The following HECTD4 variants were observed in gnomAD, a reference collection of about 807,000 sequenced individuals.
HECTD4 encodes HECT domain E3 ubiquitin protein ligase 4.
HECTD4 carries 114 observed loss-of-function variants against 471.5 expected under a neutral mutation model. The ratio of observed to expected loss-of-function variants is 0.24; its 90% CI spans 0.21 to 0.28. The LOEUF is 0.28. Ranked by LOEUF, HECTD4 falls within the 10% of genes least tolerant of loss-of-function variation. The pLI is 1.00. For synonymous variants in HECTD4, 2,012 were observed against 2,256.0 expected (o/e 0.89, Z 3.07); for missense variants, 3,866 against 5,651.5 (o/e 0.68, Z 10.13).
Position 112,254,097 on chromosome 12 carries a change from C to T in HECTD4, c.3393G>A (p.Leu1131=), listed in dbSNP as rs776491419. The change falls in exon 22 of 76, where the codon CTG becomes CTA. Residue 1131 remains leucine (L), a synonymous_variant. Transcript: ENST00000682272. ...CTAAGACACTACGGCTGCCATATCC[C>T]AGTGTGTTGCCTCCATATTCAGCAA... ...RKVAEYGGNT[L]GYGSRSVLGT... is the part of the protein sequence containing the mutation. The T allele has an allele frequency of 5.0e-6, 8 of 1,613,994 alleles. No homozygotes were observed. Among genetic ancestry groups the T allele is most frequent in the African/African-American group, 2.7e-5 (2 of 75,046 alleles).
At chr12:112,248,021 T>G (rs1435930525) in intron 27 of HECTD4, 46 bp downstream of exon 27, 5 of 1,341,576 alleles carry the variant, frequency 3.7e-6, no homozygotes, top group Non-Finnish European at 5.2e-6. Flanking sequence ...ATACCTTTGC[T>G]CTCTAAATGG....
chr12:112,182,943 G>A, intron 62 of HECTD4, 116 bp downstream of exon 62: 1 of 719,000 alleles, frequency 1.4e-6, no homozygotes, highest in South Asian at 1.8e-5. Flanking sequence ...TTTAATGCAA[G>A]ATGTTAAAAA....
Position 112,164,386 on chromosome 12 carries a change from C to T in HECTD4, c.12535-111G>A, listed in dbSNP as rs912552475. 6.2e-5 allele frequency: 70 copies of T among 1,123,798 alleles called. 1 individual carries two copies. The highest frequency in any genetic ancestry group is 9.3e-5 in the African/African-American group (6 of 64,582). The allele number at this position is 1,123,798 out of a possible 1,614,324, so 69.6% of individuals were successfully genotyped here. On this transcript the variant is annotated intron_variant, in intron 72 of 75. Transcript: ENST00000682272. Reference sequence around the variant, plus strand: ...GCAGCTGGTGGGGTCTACCCTCGGCCGTGTAGATGAGCATGTGACACAGCT... The same window carrying T: ...GCAGCTGGTGGGGTCTACCCTCGGCTGTGTAGATGAGCATGTGACACAGCT...
intron 1 of HECTD4, among the ~76,000 whole-genome samples, chr12:112,331,172 G>A (rs2035839471): frequency 6.6e-6 from 1 of 152,144 alleles, no homozygotes; most frequent in Admixed American, 6.6e-5. Context: ...CCGGATTCAA[G>A]TGATTCTCAT....
intron 7 of HECTD4, among the ~76,000 whole-genome samples, chr12:112,292,391 C>T (rs759570108): frequency 1.8e-4 from 27 of 152,314 alleles, no homozygotes; most frequent in Middle Eastern, 3.4e-3. Flanking sequence ...CAAACACACA[C>T]TAAATCATTT....
At chr12:112,308,460 A>AC (rs1252807069) in intron 6 of HECTD4, among the ~76,000 whole-genome samples, 1 of 149,582 alleles carries the variant, frequency 6.7e-6, no homozygotes, top group Non-Finnish European at 1.5e-5. Context: ...AAACAAAACA[A>AC]AAAAAAAAAA....
intron 66 of HECTD4, among the ~76,000 whole-genome samples, chr12:112,174,935 G>A (rs749988748): frequency 1.5e-4 from 23 of 152,164 alleles, no homozygotes; most frequent in South Asian, 4.1e-4. Flanking sequence ...GCACACGTGC[G>A]TGAGCCAGAG....
rs7302297 is a variant in HECTD4, at chr12:112,295,808, A to T, written c.1335+10256T>A. 6.3e-3 allele frequency among the ~76,000 whole-genome samples: 891 copies of T among 140,582 alleles called. 14 individuals carry two copies. Among genetic ancestry groups the T allele is most frequent in the South Asian group, 0.026 (118 of 4,556 alleles). The allele number at this position is 140,582 out of a possible 152,430, so 92.2% of individuals were successfully genotyped here. On this transcript the variant is annotated intron_variant, in intron 7 of 75. Transcript: ENST00000682272. Reference sequence around the variant, plus strand: ...GGACATGCACCATTAAATTAAAAAAAAAATATATATATATATACACACACA... The same window carrying T: ...GGACATGCACCATTAAATTAAAAAATAAATATATATATATATACACACACA...
intron 1 of HECTD4, among the ~76,000 whole-genome samples, chr12:112,341,643 C>T (rs2036056549): frequency 6.6e-6 from 1 of 152,152 alleles, no homozygotes; most frequent in Non-Finnish European, 1.5e-5. Context: ...AATTCAAATC[C>T]ATCTGTCTCC....
intron 1 of HECTD4, among the ~76,000 whole-genome samples, chr12:112,372,751 T>G (rs563283040): frequency 6.6e-6 from 1 of 151,888 alleles, no homozygotes; most frequent in East Asian, 1.9e-4. Context: ...ATTATTATTA[T>G]TGTTATTTTT....
Position 112,213,408 on chromosome 12 carries a change from C to T in HECTD4, c.7466-758G>A, listed in dbSNP as rs751340495. ...TGGCCTAAAAATATATAATTTAGGC[C>T]GGGCACAGTGGCTCAAGCCTGTAAT... On this transcript the variant is annotated intron_variant, in intron 48 of 75. Transcript: ENST00000682272. The surrounding 1 kb of genome is among the most constrained non-coding windows in gnomAD (Gnocchi z 4.0). Among the ~76,000 whole-genome samples, 3 of 151,836 alleles carry T rather than the reference C, an allele frequency of 2.0e-5. No individual in the cohort carries two copies. The highest frequency in any genetic ancestry group is 2.9e-5 in the Non-Finnish European group (2 of 67,982).
At chr12:112,258,891 C>T in intron 19 of HECTD4, 1 of 575,516 alleles carries the variant, frequency 1.7e-6, no homozygotes. Context: ...CAGCCATGAA[C>T]ACTTGCTAAA....
Position 112,319,549 on chromosome 12 carries a change from A to G in HECTD4, c.371T>C (p.Leu124Ser). 6.9e-7 allele frequency: 1 copy of G among 1,441,574 alleles called. No individual in the cohort carries two copies. Among genetic ancestry groups the G allele is most frequent in the South Asian group, 1.5e-5 (1 of 67,810 alleles). 89.3% of individuals were successfully genotyped at this position (1,441,574 alleles called of 1,614,324 possible). Residue 124 changes from leucine to serine, a missense_variant, in exon 2 of 76, where the codon TTG becomes TCG. Leu to Ser is a moderately radical substitution (Grantham distance 145). Around this residue, in one of 16 missense-constraint regions of HECTD4, gnomAD observed 440 missense variants for 636.0 expected, o/e 0.69. Transcript: ENST00000682272. This position sits in a 1 kb window ranked among gnomAD's most constrained non-coding sequence, Gnocchi z 5.3. ...ERESSGDEET[L>S]ALLKRQGLLQ... ...CAAGCCCTGGCGTTTGAGCAGGGCC[A>G]AAGTTTCCTCATCACCTGAACTTTC...
intron 1 of HECTD4, among the ~76,000 whole-genome samples, chr12:112,371,338 G>A (rs1420336672): frequency 2.6e-5 from 4 of 152,138 alleles, no homozygotes; most frequent in Admixed American, 6.6e-5. Context: ...CACTCTGGAA[G>A]GCCGAGGTGG....
intron 1 of HECTD4, among the ~76,000 whole-genome samples, chr12:112,326,524 GATCA>G (rs1452089829): frequency 1.3e-5 from 2 of 151,948 alleles, no homozygotes; most frequent in Non-Finnish European, 2.9e-5. Context: ...AAAAACAGAT[GATCA>G]ATCAGATCAT....
At chr12:112,376,929 A>G (rs2036791976) in intron 1 of HECTD4, among the ~76,000 whole-genome samples, 1 of 152,076 alleles carries the variant, frequency 6.6e-6, no homozygotes, top group South Asian at 2.1e-4. Flanking sequence ...CCTGACCAAC[A>G]TGGTGAAACT....
At chr12:112,359,936 T>C (rs915526738) in intron 1 of HECTD4, among the ~76,000 whole-genome samples, 6 of 152,132 alleles carry the variant, frequency 3.9e-5, no homozygotes, top group Non-Finnish European at 7.3e-5. Flanking sequence ...TAAGAAGAGC[T>C]GCTACAAAGC....
Position 112,219,543 on chromosome 12 carries a change from G to A in HECTD4, c.6971-54C>T, listed in dbSNP as rs2033030508. The A allele has an allele frequency of 4.8e-6, 6 of 1,250,252 alleles. No homozygotes were observed. The Admixed American group carries it at 1.1e-4, about 22-fold the overall frequency. The allele number at this position is 1,250,252 out of a possible 1,614,324, so 77.4% of individuals were successfully genotyped here. A position where few individuals can be genotyped will look rare whatever the true frequency, so the allele number is the denominator to read the frequency against. ...AAACAACTCCCGCAACTCCCAAGTGGGTGCTGACTCTTTTGGAGCAGCATC... is the reference window on the plus strand; with the variant it reads ...AAACAACTCCCGCAACTCCCAAGTGAGTGCTGACTCTTTTGGAGCAGCATC... On this transcript the variant is annotated intron_variant, in intron 44 of 75. Transcript: ENST00000682272.
At chr12:112,289,649 T>C (rs961162884) in intron 7 of HECTD4, among the ~76,000 whole-genome samples, 15 of 152,122 alleles carry the variant, frequency 9.9e-5, no homozygotes, top group Non-Finnish European at 2.1e-4. Flanking sequence ...AAGAAAACTA[T>C]AAATAAGAAA....
Sources: gnomAD v4.1 joint callset for allele counts (sites outside exome capture counted in the v4.1 genomes callset) on GRCh38, gnomAD v4.1.1 for gene constraint, gnomAD v4.1.1 regional missense constraint, Gnocchi (gnomAD v3.1) non-coding constraint, MANE v1.5 for transcripts, NCBI Gene and HGNC (gene_info 2026-07-23, HGNC 2026-07-21) for gene names.